The following SLC52A3 variants were observed in gnomAD, a reference collection of about 807,000 sequenced individuals.
SLC52A3 encodes solute carrier family 52, riboflavin transporter, member 3.
SLC52A3 carries 20 observed loss-of-function variants against 29.5 expected under a neutral mutation model. That is an observed-to-expected ratio of 0.68 (90% CI 0.48 to 0.99). SLC52A3 has a LOEUF of 0.99. Among genes scored for constraint, SLC52A3 ranks in the 50% least tolerant of loss-of-function variants. The pLI is 0.00. For missense variants in SLC52A3, 548 were observed against 612.9 expected, an observed-to-expected ratio of 0.89 and a Z score of 1.12; for synonymous variants, 301 against 271.0, an observed-to-expected ratio of 1.11 and a Z score of -1.09.
chr20:763,075 A>G (rs1986543779), intron 3 of SLC52A3, among the ~76,000 whole-genome samples: 1 of 152,248 alleles, frequency 6.6e-6, no homozygotes, highest in South Asian at 2.1e-4. Context: ...AATCCTGGGA[A>G]TTAGACCAGG....
At position 761,164 on chromosome 20, in the gene SLC52A3, G is replaced by A. The variant is rs749048061; in HGVS notation, c.1272C>T (p.Leu424=). 7.0e-6 allele frequency: 11 copies of A among 1,579,400 alleles called. No individual in the cohort carries two copies. The highest frequency in any genetic ancestry group is 9.4e-6 in the Non-Finnish European group (11 of 1,164,346). ...CGCACCACAAGAGGGCGCTGCGGCT[G>A]AGGTCGCGCAGGACCACGCCCAGCA... ...KVMLGVVLRD[L]SRSALLWCGA... is the part of the protein sequence containing the mutation. The change falls in exon 5 of 5, where the codon CTC becomes CTT. Residue 424 remains leucine, a synonymous_variant. Coordinates refer to ENST00000645534, the MANE Select transcript of SLC52A3 (RefSeq NM_033409.4).
intron 3 of SLC52A3, among the ~76,000 whole-genome samples, chr20:762,288 G>A (rs775827114): frequency 2.0e-5 from 3 of 152,300 alleles, no homozygotes; most frequent in Middle Eastern, 3.4e-3. Flanking sequence ...TGGCTGGATC[G>A]GGCATTGGCA....
At chr20:761,665 A>T (rs1378220705) in intron 4 of SLC52A3, 36 bp downstream of exon 4, 1 of 1,611,738 alleles carries the variant, frequency 6.2e-7, no homozygotes, top group South Asian at 1.1e-5. Flanking sequence ...GGTGAGGGGT[A>T]CGCAGCGGGA....
chr20:770,174 T>C (rs1330643418), upstream of SLC52A3, among the ~76,000 whole-genome samples: 1 of 151,840 alleles, frequency 6.6e-6, no homozygotes, highest in East Asian at 1.9e-4. This position sits in a 1 kb window ranked among gnomAD's most constrained non-coding sequence, Gnocchi z 4.5. Flanking sequence ...TTTTTTCTTT[T>C]GAGACAGAGT....
upstream of SLC52A3, among the ~76,000 whole-genome samples, chr20:777,281 A>AC (rs1235949759): frequency 2.6e-5 from 4 of 151,478 alleles, no homozygotes; most frequent in African/African-American, 7.3e-5. Flanking sequence ...ACAAAAAAAA[A>AC]ACACCAACTG....
Position 763,716 on chromosome 20 carries a change from C to G in SLC52A3, c.855G>C (p.Gln285His). The change falls in exon 3 of 5, where the codon CAG becomes CAC. Residue 285 changes from glutamine to histidine, a missense_variant. Gln to His is a conservative substitution (Grantham distance 24). This residue lies in a region of SLC52A3 where 375 missense variants were observed against 471.1 expected (regional missense o/e 0.80). Transcript: ENST00000645534. The part of the protein sequence containing the change: ...PAGTVDSSQG[Q>H]GYLEEKAAPC... ...GGGCTGCTTTCTCCTCTAGATACCC[C>G]TGGCCCTGGCTGCTGTCCACCGTGC... 2 of 1,614,172 alleles carry G rather than the reference C, an allele frequency of 1.2e-6. No homozygotes were observed. Among genetic ancestry groups the G allele is most frequent in the Non-Finnish European group, 1.7e-6 (2 of 1,179,994 alleles).
intron 2 of SLC52A3, among the ~76,000 whole-genome samples, chr20:764,778 C>T (rs1331420414): frequency 2.6e-5 from 4 of 152,130 alleles, no homozygotes; most frequent in Non-Finnish European, 5.9e-5. Flanking sequence ...CTTATCTGTA[C>T]CAAGAAAAGG....
At chr20:776,027 C>G (rs903768392), upstream of SLC52A3, 1 of 152,286 alleles carries the variant, frequency 6.6e-6, no homozygotes, top group Non-Finnish European at 1.5e-5. Context: ...AAGCTGTCCC[C>G]GCCCAGAGCT....
At chr20:776,558 C>A (rs1448715221), upstream of SLC52A3, among the ~76,000 whole-genome samples, 1 of 152,008 alleles carries the variant, frequency 6.6e-6, no homozygotes, top group African/African-American at 2.4e-5. Context: ...AGGTCACACA[C>A]CTTGTATATG....
chr20:763,834 C>G lies in SLC52A3; in HGVS notation c.737G>C (p.Arg246Thr). The G allele has an allele frequency of 1.2e-6, 2 of 1,614,108 alleles. No individual in the cohort carries two copies. The highest frequency in any genetic ancestry group is 2.2e-5 in the East Asian group (1 of 44,870). ...GTCTTCCACGGAAGCCTCCCAGCAC[C>G]TGGGTTGACGCTGGAGGACAAAGAA... ...VAFFVLQRQPRCWEASVEDLL... is the reference protein window; with the variant it reads ...VAFFVLQRQPTCWEASVEDLL... Residue 246 changes from arginine to threonine, a missense_variant, in exon 3 of 5, where the codon AGG (arginine) becomes ACG (threonine). Physicochemically the swap from Arg to Thr is moderately conservative, Grantham distance 71. Coordinates refer to ENST00000645534, the MANE Select transcript of SLC52A3 (RefSeq NM_033409.4).
At chr20:778,009 CT>C (rs1485166545), upstream of SLC52A3, among the ~76,000 whole-genome samples, 1 of 141,448 alleles carries the variant, frequency 7.1e-6, no homozygotes, top group Non-Finnish European at 1.6e-5. Flanking sequence ...ACCCTAGAGA[CT>C]TTCTTTTTTT....
chr20:760,986 G>C lies in SLC52A3; in HGVS notation c.*40C>G, dbSNP rs1043914795. 1 of 1,561,200 alleles carries C rather than the reference G, an allele frequency of 6.4e-7. No individual in the cohort carries two copies. Among genetic ancestry groups the C allele is most frequent in the East Asian group, 2.4e-5 (1 of 41,298 alleles). Reference sequence around the variant, plus strand: ...TGTGACCTGGCCTCTCTGGACCCCAGTTCCGTCCGTGAGCGATGGGGGCGG... The same window carrying C: ...TGTGACCTGGCCTCTCTGGACCCCACTTCCGTCCGTGAGCGATGGGGGCGG... On this transcript the variant is annotated 3_prime_UTR_variant, in exon 5 of 5. Transcript: ENST00000645534. The surrounding 1 kb of genome is among the most constrained non-coding windows in gnomAD (Gnocchi z 4.9).
upstream of SLC52A3, among the ~76,000 whole-genome samples, chr20:778,729 CT>C (rs375771938): frequency 0.02 from 2,849 of 141,918 alleles, 396 homozygotes; most frequent in East Asian, 0.42. Context: ...CTTTCTTCTT[CT>C]TTTTTTTTTT....
intron 1 of SLC52A3, among the ~76,000 whole-genome samples, chr20:775,378 G>A (rs571017526): frequency 6.0e-4 from 91 of 151,232 alleles, no homozygotes; most frequent in African/African-American, 2.2e-3. Context: ...TGGCTCATGC[G>A]ATTCTCCCAC....
intron 3 of SLC52A3, among the ~76,000 whole-genome samples, chr20:762,584 C>T (rs764983774): frequency 2.0e-5 from 3 of 152,212 alleles, no homozygotes; most frequent in Non-Finnish European, 4.4e-5. Flanking sequence ...ACTCTTTCTG[C>T]TCCAAGATTC....
In SLC52A3 at chr20:763,584, A is replaced by G. The variant is rs376546378; in HGVS notation, c.987T>C (p.Tyr329=). 4.2e-5 allele frequency: 67 copies of G among 1,614,070 alleles called. No individual in the cohort carries two copies. The highest frequency in any genetic ancestry group is 1.8e-4 in the South Asian group (16 of 91,092). ...CAGCCAGGTGGTAGGCAACTGGCCC[A>G]TAGGACAGGCAGGAGTAGGTCTGCA... ...PSVQTYSCLS[Y]GPVAYHLAAT... Residue 329 remains tyrosine (Y), a synonymous_variant, in exon 3 of 5, where the codon TAT becomes TAC. Coordinates refer to ENST00000645534, the MANE Select transcript of SLC52A3 (RefSeq NM_033409.4).
At chr20:762,764 C>T (rs1313658293) in intron 3 of SLC52A3, among the ~76,000 whole-genome samples, 2 of 152,200 alleles carry the variant, frequency 1.3e-5, no homozygotes, top group Non-Finnish European at 2.9e-5. Context: ...CTCTTCTGTC[C>T]TCACTGTCCT....
rs760284884 is a variant in SLC52A3, at chr20:765,500, A to G, written c.275T>C (p.Leu92Pro). The G allele has an allele frequency of 6.3e-7, 1 of 1,586,796 alleles. No individual in the cohort carries two copies. The highest frequency in any genetic ancestry group is 1.1e-5 in the South Asian group (1 of 87,708). Residue 92 changes from leucine (L) to proline (P), a missense_variant, in exon 2 of 5, where the codon CTC becomes CCC. Physicochemically the swap from Leu to Pro is moderately conservative, Grantham distance 98. Coordinates refer to ENST00000645534, the MANE Select transcript of SLC52A3 (RefSeq NM_033409.4). The surrounding 1 kb of genome is among the most constrained non-coding windows in gnomAD (Gnocchi z 6.6). ...GTVTCIIFAF[L>P]WNMTSWVLDG... ...CAGCACCCAGGAGGTCATATTCCAG[A>G]GGAAGGCAAAGATGATGCAGGTGAC...
Position 765,692 on chromosome 20 carries a change from G to A in SLC52A3, c.83C>T (p.Pro28Leu). 7 of 1,613,666 alleles carry A rather than the reference G, an allele frequency of 4.3e-6. No homozygotes were observed. The highest frequency in any genetic ancestry group is 5.9e-6 in the Non-Finnish European group (7 of 1,179,924). ...CTCGGGCAGCTCCATCACCAGCAGG[G>A]GCAGCTCTACCCAGAGCCCATTGAT... ...VTINGLWVELPLLVMELPEGW... is the reference protein window; with the variant it reads ...VTINGLWVELLLLVMELPEGW... The change falls in exon 2 of 5, where the codon CCC (proline) becomes CTC (leucine). Residue 28 changes from proline (P) to leucine (L), a missense_variant. This residue lies in a region of SLC52A3 where 375 missense variants were observed against 471.1 expected (regional missense o/e 0.80). Coordinates refer to ENST00000645534, the MANE Select transcript of SLC52A3 (RefSeq NM_033409.4). This position sits in a 1 kb window ranked among gnomAD's most constrained non-coding sequence, Gnocchi z 6.6.
Sources: gnomAD v4.1 joint callset for allele counts (sites outside exome capture counted in the v4.1 genomes callset) on GRCh38, gnomAD v4.1.1 for gene constraint, gnomAD v4.1.1 regional missense constraint, Gnocchi (gnomAD v3.1) non-coding constraint, MANE v1.5 for transcripts, NCBI Gene and HGNC (gene_info 2026-07-23, HGNC 2026-07-21) for gene names.